DEUP1: variants seen among roughly 807,000 people sequenced by gnomAD.
DEUP1 encodes the protein coiled-coil domain containing 67.
In DEUP1, 82 loss-of-function variants were observed where a neutral mutation model predicts 87.4. The observed-to-expected ratio is 0.94, with a 90% CI of 0.78 to 1.13. The LOEUF is 1.13. DEUP1 is among the 50% of genes most tolerant of loss of function. DEUP1 has a pLI of 0.00. For missense variants in DEUP1, 663 were observed against 681.5 expected, an observed-to-expected ratio of 0.97 and a Z score of 0.30; for synonymous variants, 214 against 222.7, an observed-to-expected ratio of 0.96 and a Z score of 0.35.
At chr11:93,429,625 C>T (rs1276828807) in intron 13 of DEUP1, among the ~76,000 whole-genome samples, 1 of 152,134 alleles carries the variant, frequency 6.6e-6, no homozygotes, top group Non-Finnish European at 1.5e-5. Flanking sequence ...CACTATGAGA[C>T]ATTTTGTTGC....
intron 11 of DEUP1, among the ~76,000 whole-genome samples, chr11:93,398,786 T>C (rs1195282048): frequency 1.3e-5 from 2 of 151,590 alleles, no homozygotes; most frequent in East Asian, 3.9e-4. Flanking sequence ...AGCGGCATGA[T>C]CTTGGCTCAC....
intron 7 of DEUP1, among the ~76,000 whole-genome samples, chr11:93,374,508 T>A (rs1420748665): frequency 6.6e-6 from 1 of 152,210 alleles, no homozygotes; most frequent in African/African-American, 2.4e-5. Flanking sequence ...TTCTTGCCAA[T>A]TATTCCAACA....
At chr11:93,337,630 G>C (rs1253264549) in intron 2 of DEUP1, among the ~76,000 whole-genome samples, 3 of 152,122 alleles carry the variant, frequency 2.0e-5, no homozygotes, top group Non-Finnish European at 2.9e-5. Flanking sequence ...GTACATCTGG[G>C]TTAAAATCCT....
At chr11:93,373,652 C>CGT (rs1491128457) in intron 7 of DEUP1, among the ~76,000 whole-genome samples, 6 of 93,632 alleles carry the variant, frequency 6.4e-5, no homozygotes, top group Non-Finnish European at 1.3e-4. Context: ...TATATATATA[C>CGT]GTATATATAT....
rs531268796 is a variant in DEUP1 at position 93,429,104 on chromosome 11, C to G, written c.1639-8439C>G. On this transcript the variant is annotated intron_variant, in intron 13 of 13. Transcript: ENST00000298050. ...TATTATTGATTTATGGGTATCCTTT[C>G]TATTCTTGATATAAGCCCTTTGTTG... is the stretch of plus-strand genomic sequence containing the variant. Among the ~76,000 whole-genome samples the G allele has an allele frequency of 1.5e-3, 232 of 152,104 alleles. 1 individual carries two copies. The highest frequency in any genetic ancestry group is 3.0e-3 in the Non-Finnish European group (206 of 67,982).
chr11:93,416,053 G>C (rs749662021), intron 13 of DEUP1, among the ~76,000 whole-genome samples: 1 of 152,142 alleles, frequency 6.6e-6, no homozygotes, highest in Non-Finnish European at 1.5e-5. Flanking sequence ...AATATGGTCA[G>C]CTTTAGTAGG....
chr11:93,437,824 T>C lies in DEUP1; in HGVS notation c.*105T>C, dbSNP rs1948294712. The C allele has an allele frequency of 1.4e-6, 1 of 694,648 alleles. No individual in the cohort carries two copies. The highest frequency in any genetic ancestry group is 2.5e-6 in the Non-Finnish European group (1 of 396,618). 43.0% of individuals were successfully genotyped at this position (694,648 alleles called of 1,614,324 possible). On this transcript the variant is annotated 3_prime_UTR_variant, in exon 14 of 14. Transcript: ENST00000298050. Reference sequence around the variant, plus strand: ...TTAATGAAACCAAGAAATTCTGTTCTGTTTCCTTGAGTAAATAATTTCCGT... The same window carrying C: ...TTAATGAAACCAAGAAATTCTGTTCCGTTTCCTTGAGTAAATAATTTCCGT...
intron 1 of DEUP1, among the ~76,000 whole-genome samples, chr11:93,331,061 TC>T (rs1943448444): frequency 6.6e-6 from 1 of 152,248 alleles, no homozygotes; most frequent in Non-Finnish European, 1.5e-5. Context: ...TGCCTCAGTT[TC>T]CCTGACGTTT....
chr11:93,331,429 T>C (rs941918593), intron 1 of DEUP1, among the ~76,000 whole-genome samples: 1 of 152,024 alleles, frequency 6.6e-6, no homozygotes, highest in African/African-American at 2.4e-5. Flanking sequence ...GGTGAGCCAG[T>C]GCCCATAGAG....
intron 13 of DEUP1, among the ~76,000 whole-genome samples, chr11:93,420,307 C>CAA (rs1947833995): frequency 1.3e-5 from 2 of 152,050 alleles, no homozygotes; most frequent in Non-Finnish European, 2.9e-5. Context: ...GAACCAAAGA[C>CAA]AAAAACCACA....
chr11:93,434,616 C>A (rs1948188005), intron 13 of DEUP1, among the ~76,000 whole-genome samples: 3 of 152,152 alleles, frequency 2.0e-5, no homozygotes, highest in Admixed American at 2.0e-4. Flanking sequence ...GGAGCCAAAG[C>A]TCTAAGTTTG....
chr11:93,383,807 GAGGTCTATTTAACTTTGAGTGGA>G (rs570957334), intron 7 of DEUP1, among the ~76,000 whole-genome samples: 2 of 152,160 alleles, frequency 1.3e-5, no homozygotes, highest in Non-Finnish European at 2.9e-5. Flanking sequence ...CAATACACTA[GAGGTCTATTTAACTTTGAGTGGA>G]AGGGATTATT....
intron 11 of DEUP1, among the ~76,000 whole-genome samples, chr11:93,401,860 T>C (rs906854444): frequency 6.6e-6 from 1 of 151,952 alleles, no homozygotes; most frequent in Non-Finnish European, 1.5e-5. Context: ...CAAATAAAAA[T>C]TGATTGAAGA....
chr11:93,412,148 A>C (rs1469940680), intron 12 of DEUP1, among the ~76,000 whole-genome samples: 1 of 152,184 alleles, frequency 6.6e-6, no homozygotes, highest in South Asian at 2.1e-4. Context: ...GCCAAGGGGA[A>C]TATTAATGGA....
chr11:93,418,842 C>G (rs2134462924), intron 13 of DEUP1, among the ~76,000 whole-genome samples: 1 of 152,186 alleles, frequency 6.6e-6, no homozygotes, highest in East Asian at 1.9e-4. Context: ...TCATGGAATG[C>G]TATGCAGCCA....
intron 12 of DEUP1, among the ~76,000 whole-genome samples, chr11:93,408,943 GC>G (rs1947357656): frequency 6.6e-6 from 1 of 150,726 alleles, no homozygotes; most frequent in African/African-American, 2.4e-5. Flanking sequence ...TCCAACCTCT[GC>G]CTCCTGGGTT....
At chr11:93,368,188 A>G (rs970697855) in intron 5 of DEUP1, among the ~76,000 whole-genome samples, 21 of 152,256 alleles carry the variant, frequency 1.4e-4, no homozygotes, top group African/African-American at 4.3e-4. Flanking sequence ...AGTTATACCA[A>G]TTGGTACTGC....
chr11:93,419,369 A>G (rs1241196218), intron 13 of DEUP1, among the ~76,000 whole-genome samples: 7 of 152,174 alleles, frequency 4.6e-5, no homozygotes, highest in African/African-American at 1.4e-4. Flanking sequence ...TGTACTTTGT[A>G]TGATAGCATC....
intron 7 of DEUP1, among the ~76,000 whole-genome samples, chr11:93,378,419 G>T (rs1037894453): frequency 1.5e-4 from 23 of 151,632 alleles, no homozygotes; most frequent in Non-Finnish European, 1.3e-4. Flanking sequence ...GTGTATTTTT[G>T]AATTTCTCTA....
Sources: allele counts gnomAD v4.1 joint callset (sites outside exome capture counted in the v4.1 genomes callset), GRCh38; gene constraint gnomAD v4.1.1; transcripts MANE v1.5; gene names NCBI Gene and HGNC (gene_info 2026-07-23, HGNC 2026-07-21).